The following SHISA6 variants were observed in gnomAD, a reference collection of about 807,000 sequenced individuals.
The protein encoded by SHISA6 is shisa family member 6.
A neutral mutation model predicts 47.9 loss-of-function variants in SHISA6; 22 were observed. The observed-to-expected ratio is 0.46, with a 90% CI of 0.33 to 0.66. The LOEUF is 0.66. Among genes scored for constraint, SHISA6 ranks in the 30% least tolerant of loss-of-function variants. The probability of loss-of-function intolerance (pLI) is 0.02; values close to 1 mark genes in which losing one functional copy is unlikely to be tolerated. For synonymous variants in SHISA6, 388 were observed against 337.8 expected, an observed-to-expected ratio of 1.15 and a Z score of -1.63; for missense variants, 680 against 764.6, an observed-to-expected ratio of 0.89 and a Z score of 1.30.
intron 2 of SHISA6, among the ~76,000 whole-genome samples, chr17:11,264,883 A>AATACAT (rs1231398574): frequency 6.6e-6 from 1 of 152,244 alleles, no homozygotes; most frequent in Non-Finnish European, 1.5e-5. Flanking sequence ...GAAAAATACA[A>AATACAT]ATACATATAC....
At chr17:11,278,814 G>A (rs1459144061) in intron 2 of SHISA6, among the ~76,000 whole-genome samples, 1 of 152,194 alleles carries the variant, frequency 6.6e-6, no homozygotes, top group African/African-American at 2.4e-5. Flanking sequence ...AGATAAGCCT[G>A]CACTTTAATA....
At chr17:11,493,914 A>G (rs1597549765) in intron 3 of SHISA6, among the ~76,000 whole-genome samples, 2 of 149,832 alleles carry the variant, frequency 1.3e-5, no homozygotes, top group African/African-American at 4.9e-5. Flanking sequence ...TCTCCCTTCT[A>G]TTTTTTTTTT....
intron 3 of SHISA6, among the ~76,000 whole-genome samples, chr17:11,394,813 T>A (rs1913509658): frequency 6.6e-6 from 1 of 152,048 alleles, no homozygotes; most frequent in South Asian, 2.1e-4. Flanking sequence ...ATTTTCTATC[T>A]TTTTGCTTCT....
chr17:11,286,256 CT>C (rs1567561022), intron 2 of SHISA6, among the ~76,000 whole-genome samples: 1 of 152,168 alleles, frequency 6.6e-6, no homozygotes, highest in African/African-American at 2.4e-5. Flanking sequence ...TCTGTGTGTC[CT>C]TCCCTACTGA....
At chr17:11,458,033 C>T (rs1423840908) in intron 3 of SHISA6, among the ~76,000 whole-genome samples, 4 of 147,890 alleles carry the variant, frequency 2.7e-5, no homozygotes, top group Admixed American at 6.8e-5. Flanking sequence ...TGCAGTGAGC[C>T]GAGATCACGC....
intron 1 of SHISA6, among the ~76,000 whole-genome samples, chr17:11,246,280 GGAGATT>G (rs1907587540): frequency 6.6e-6 from 1 of 152,160 alleles, no homozygotes; most frequent in South Asian, 2.1e-4. Flanking sequence ...CATTAGGTCA[GGAGATT>G]GAGACCATCC....
rs1417428841 is a variant in SHISA6, at chr17:11,558,054, A to G, written c.1406A>G (p.Gln469Arg). Residue 469 changes from glutamine (Q) to arginine (R), a missense_variant, in exon 6 of 6, where the codon CAG (glutamine) becomes CGG (arginine). Coordinates refer to ENST00000441885, the MANE Select transcript of SHISA6 (RefSeq NM_207386.4). ...LSPERTAFPEQSLSRAISHTD... is the reference protein window; with the variant it reads ...LSPERTAFPERSLSRAISHTD... The stretch of plus-strand genomic sequence containing the variant: ...CCGGAGCGGACGGCCTTTCCCGAGC[A>G]GTCGCTGTCCAGGGCCATCTCGCAC... The G allele has an allele frequency of 1.9e-6, 3 of 1,551,682 alleles. No individual in the cohort carries two copies. The East Asian group carries it at 7.3e-5, about 38-fold the overall frequency.
intron 2 of SHISA6, among the ~76,000 whole-genome samples, chr17:11,374,176 C>T (rs1912715123): frequency 6.6e-6 from 1 of 152,062 alleles, no homozygotes; most frequent in Non-Finnish European, 1.5e-5. Flanking sequence ...TGTATTTGCC[C>T]TTTGGGTTTT....
At chr17:11,509,811 T>C (rs2071528430) in intron 3 of SHISA6, among the ~76,000 whole-genome samples, 1 of 152,184 alleles carries the variant, frequency 6.6e-6, no homozygotes, top group South Asian at 2.1e-4. Flanking sequence ...TGAAAAGAGA[T>C]GCTCATCCTC....
At chr17:11,292,856 C>T (rs1361513580) in intron 2 of SHISA6, among the ~76,000 whole-genome samples, 12 of 133,808 alleles carry the variant, frequency 9.0e-5, no homozygotes, top group Admixed American at 2.4e-4. Context: ...TGGAGTTTTG[C>T]GCTTATTGCC....
chr17:11,329,390 G>T (rs1272559722), intron 2 of SHISA6, among the ~76,000 whole-genome samples: 2 of 152,124 alleles, frequency 1.3e-5, no homozygotes, highest in African/African-American at 2.4e-5. Context: ...TGTGCATGGG[G>T]GTAGGGTTAC....
At chr17:11,427,171 T>TCTGGAG (rs1914631304) in intron 3 of SHISA6, among the ~76,000 whole-genome samples, 1 of 152,258 alleles carries the variant, frequency 6.6e-6, no homozygotes, top group African/African-American at 2.4e-5. Flanking sequence ...TCTTGCTCTG[T>TCTGGAG]TGCCCAGGCT....
intron 3 of SHISA6, among the ~76,000 whole-genome samples, chr17:11,490,076 A>G (rs1279843855): frequency 6.6e-6 from 1 of 152,194 alleles, no homozygotes; most frequent in Non-Finnish European, 1.5e-5. Flanking sequence ...GGTCAGAAAT[A>G]TACAGGCCTG....
At chr17:11,399,318 A>G (rs962484681) in intron 3 of SHISA6, among the ~76,000 whole-genome samples, 5 of 152,226 alleles carry the variant, frequency 3.3e-5, no homozygotes, top group African/African-American at 1.2e-4. Context: ...AACCCTAACC[A>G]GTAATTGACT....
At position 11,541,050 on chromosome 17, in the gene SHISA6, T is replaced by A. The variant is rs2071829718; in HGVS notation, c.896-10846T>A. 2.0e-5 allele frequency among the ~76,000 whole-genome samples: 3 copies of A among 152,222 alleles called. No individual in the cohort carries two copies. In the South Asian group the frequency reaches 6.2e-4, roughly 32 times the overall value. On this transcript the variant is annotated intron_variant, in intron 3 of 5. Coordinates refer to ENST00000441885, the MANE Select transcript of SHISA6 (RefSeq NM_207386.4). ...ACTCTCTGATCTTGGACAGGTTACT[T>A]CACTTCTCTGAACCTCTTTTCTCAC...
intron 3 of SHISA6, among the ~76,000 whole-genome samples, chr17:11,420,199 A>T (rs1469527673): frequency 6.6e-6 from 1 of 152,180 alleles, no homozygotes; most frequent in Non-Finnish European, 1.5e-5. Flanking sequence ...GGGAGACACC[A>T]TCTCAAAACA....
intron 3 of SHISA6, among the ~76,000 whole-genome samples, chr17:11,542,960 A>G (rs868076203): frequency 1.3e-5 from 2 of 152,084 alleles, no homozygotes; most frequent in South Asian, 2.1e-4. Context: ...TTCCTACTCA[A>G]TCAACCCCTG....
chr17:11,258,859 C>T (rs1408053367), intron 1 of SHISA6, among the ~76,000 whole-genome samples: 1 of 152,218 alleles, frequency 6.6e-6, no homozygotes. Flanking sequence ...AACGATTAAA[C>T]ACTCTCTAAA....
chr17:11,313,091 C>A (rs867802367), intron 2 of SHISA6, among the ~76,000 whole-genome samples: 102 of 152,184 alleles, frequency 6.7e-4, no homozygotes, highest in African/African-American at 2.2e-3. Context: ...CTTGTGTAAG[C>A]CAGTTCAAAT....
Sources: allele counts gnomAD v4.1 joint callset (sites outside exome capture counted in the v4.1 genomes callset), GRCh38; gene constraint gnomAD v4.1.1; transcripts MANE v1.5; gene names NCBI Gene and HGNC (gene_info 2026-07-23, HGNC 2026-07-21).